RNF183: variants seen among roughly 807,000 people sequenced by gnomAD.
RNF183 encodes ring finger protein 183.
RNF183 carries 4 observed loss-of-function variants against 9.0 expected under a neutral mutation model. The ratio of observed to expected loss-of-function variants is 0.44; its 90% CI spans 0.22 to 1.01. The LOEUF (loss-of-function observed/expected upper bound fraction) is 1.01. Among genes scored for constraint, RNF183 ranks in the 50% least tolerant of loss-of-function variants. The pLI, the probability that RNF183 is intolerant of heterozygous loss-of-function variation, is 0.25. For missense variants in RNF183, 227 were observed against 253.6 expected, an observed-to-expected ratio of 0.89 and a Z score of 0.71; for synonymous variants, 102 against 107.5, an observed-to-expected ratio of 0.95 and a Z score of 0.32.
rs964497404 is a variant in RNF183, at chr9:113,297,581, T to G, written c.*25A>C. 1.3e-6 allele frequency: 2 copies of G among 1,513,724 alleles called. No individual in the cohort carries two copies. Among genetic ancestry groups the G allele is most frequent in the Middle Eastern group, 1.8e-4 (1 of 5,686 alleles). 93.8% of individuals were successfully genotyped at this position (1,513,724 alleles called of 1,614,324 possible). ...ATACCCAGCAGCAACCGAAAAAGGT[T>G]TGGTTTCTTGTCTGGGAACAGCACT... On this transcript the variant is annotated 3_prime_UTR_variant, in exon 5 of 5. Transcript: ENST00000489339.
chr9:113,300,396 T>A (rs1416366108), intron 3 of RNF183, among the ~76,000 whole-genome samples: 1 of 152,114 alleles, frequency 6.6e-6, no homozygotes, highest in African/African-American at 2.4e-5. Context: ...CTCATGACAT[T>A]TAGAGTGTAG....
rs1564273629 is a variant in RNF183, at chr9:113,298,256, A to G, written c.-37-35T>C. The stretch of plus-strand genomic sequence containing the variant: ...GGGGGAAAGGAGCAAAGGAACAGCC[A>G]TGAAGTCCCATCCTTGTGCTTGGCC... On this transcript the variant is annotated intron_variant, in intron 4 of 4. Transcript: ENST00000489339. The surrounding 1 kb of genome is among the most constrained non-coding windows in gnomAD (Gnocchi z 4.9). The G allele has an allele frequency of 4.6e-6, 6 of 1,302,376 alleles. No individual in the cohort carries two copies. Among genetic ancestry groups the G allele is most frequent in the Middle Eastern group, 4.3e-4 (2 of 4,624 alleles). 80.7% of individuals were successfully genotyped at this position (1,302,376 alleles called of 1,614,324 possible).
At position 113,297,798 on chromosome 9, in the gene RNF183, C is replaced by T. The variant is rs1832772808; in HGVS notation, c.387G>A (p.Gly129=). The change falls in exon 5 of 5, where the codon GGG becomes GGA. Residue 129 remains glycine, a synonymous_variant. Coordinates refer to ENST00000489339, the MANE Select transcript of RNF183 (RefSeq NM_001371237.1). ...DLGPQPGGQT[G]PPPDTASATV... ...TGGCAGAGGCCGTGTCTGGGGGCGG[C>T]CCAGTCTGGCCCCCAGGCTGGGGGC... is the stretch of plus-strand genomic sequence containing the variant. 1 of 1,610,794 alleles carries T rather than the reference C, an allele frequency of 6.2e-7. No individual in the cohort carries two copies. Among genetic ancestry groups the T allele is most frequent in the Non-Finnish European group, 8.5e-7 (1 of 1,178,422 alleles).
At chr9:113,302,780 T>C (rs1832954850) in intron 1 of RNF183, among the ~76,000 whole-genome samples, 1 of 152,182 alleles carries the variant, frequency 6.6e-6, no homozygotes. Flanking sequence ...GGGGAAGGAA[T>C]AGTCTATACG....
intron 3 of RNF183, among the ~76,000 whole-genome samples, chr9:113,301,022 A>T (rs1250356598): frequency 6.6e-6 from 1 of 152,174 alleles, no homozygotes; most frequent in Non-Finnish European, 1.5e-5. Context: ...CCCAAGAAGC[A>T]GTGGAGTTCT....
At chr9:113,300,047 G>A (rs919646024) in intron 3 of RNF183, among the ~76,000 whole-genome samples, 3 of 152,238 alleles carry the variant, frequency 2.0e-5, no homozygotes, top group African/African-American at 7.2e-5. Flanking sequence ...AGGAACTGTG[G>A]AAGAGGGGAT....
In RNF183 at chr9:113,297,437, T is replaced by G; in HGVS notation, c.*169A>C. On this transcript the variant is annotated 3_prime_UTR_variant, in exon 5 of 5. Transcript: ENST00000489339. ...TCTCCCAGTCCTTCAAGCTTTTCGT[T>G]TTTTTGTTTTTTTTTAAAATTGTTC... 1 of 528,102 alleles carries G rather than the reference T, an allele frequency of 1.9e-6. No homozygotes were observed. The allele number at this position is 528,102 out of a possible 1,614,324, so 32.7% of individuals were successfully genotyped here. A position where few individuals can be genotyped will look rare whatever the true frequency, so the allele number is the denominator to read the frequency against.
In RNF183 at chr9:113,300,728, G is replaced by C. The variant is rs185829398; in HGVS notation, c.-242+944C>G. ...GTGTGGTGACCGGAGTAGGCAAGGT[G>C]GGAGGGTATAGTACTCGGGACCTGT... On this transcript the variant is annotated intron_variant, in intron 3 of 4. Transcript: ENST00000489339. Among the ~76,000 whole-genome samples the C allele has an allele frequency of 6.9e-3, 1,049 of 152,236 alleles. 80 individuals carry two copies. The East Asian group carries it at 0.18, about 26-fold the overall frequency.
At position 113,297,401 on chromosome 9, in the gene RNF183, GT is replaced by G. The variant is rs1832752259; in HGVS notation, c.*204del. 1 of 430,172 alleles carries G rather than the reference GT, an allele frequency of 2.3e-6. No individual in the cohort carries two copies. Among genetic ancestry groups the G allele is most frequent in the African/African-American group, 2.0e-5 (1 of 48,880 alleles). The allele number at this position is 430,172 out of a possible 1,614,324, so 26.6% of individuals were successfully genotyped here. Reference sequence around the variant, plus strand: ...CATGACGCCACACTCACACCCGGAGGTCGCTCCACATCTCCCAGTCCTTCAA... The same window carrying G: ...CATGACGCCACACTCACACCCGGAGGCGCTCCACATCTCCCAGTCCTTCAA... On this transcript the variant is annotated 3_prime_UTR_variant, in exon 5 of 5. Coordinates refer to ENST00000489339, the MANE Select transcript of RNF183 (RefSeq NM_001371237.1).
In RNF183 at chr9:113,297,573, A is replaced by G; in HGVS notation, c.*33T>C. The G allele has an allele frequency of 6.7e-7, 1 of 1,486,254 alleles. No homozygotes were observed. The highest frequency in any genetic ancestry group is 9.1e-7 in the Non-Finnish European group (1 of 1,096,434). The allele number at this position is 1,486,254 out of a possible 1,614,324, so 92.1% of individuals were successfully genotyped here. A position where few individuals can be genotyped will look rare whatever the true frequency, so the allele number is the denominator to read the frequency against. On this transcript the variant is annotated 3_prime_UTR_variant, in exon 5 of 5. Transcript: ENST00000489339. The stretch of plus-strand genomic sequence containing the variant: ...TAGTCACCATACCCAGCAGCAACCG[A>G]AAAAGGTTTGGTTTCTTGTCTGGGA...
intron 3 of RNF183, among the ~76,000 whole-genome samples, chr9:113,301,298 A>G (rs1040932247): frequency 3.9e-5 from 6 of 152,214 alleles, no homozygotes; most frequent in Admixed American, 6.5e-5. Context: ...TAGATGGTAG[A>G]GCCTGCTACA....
chr9:113,297,703 C>A lies in RNF183; in HGVS notation c.482G>T (p.Arg161Leu). The change falls in exon 5 of 5, where the codon CGC (arginine) becomes CTC (leucine). Residue 161 changes from arginine to leucine, a missense_variant. Physicochemically the swap from Arg to Leu is moderately radical, Grantham distance 102. Coordinates refer to ENST00000489339, the MANE Select transcript of RNF183 (RefSeq NM_001371237.1). ...LRECFRNPQFRIFAYLMAVIL... is the reference protein window; with the variant it reads ...LRECFRNPQFLIFAYLMAVIL... ...GACGGCCATCAGGTAGGCAAAGATGCGGAACTGAGGGTTGCGGAAACACTC... is the reference window on the plus strand; with the variant it reads ...GACGGCCATCAGGTAGGCAAAGATGAGGAACTGAGGGTTGCGGAAACACTC... 3.1e-6 allele frequency: 5 copies of A among 1,614,026 alleles called. No homozygotes were observed. The highest frequency in any genetic ancestry group is 4.2e-6 in the Non-Finnish European group (5 of 1,179,988).
intron 2 of RNF183, 132 bp from the exon 3 acceptor site, chr9:113,301,883 T>C (rs1047962169): frequency 2.0e-5 from 3 of 152,220 alleles, no homozygotes; most frequent in Non-Finnish European, 4.4e-5. Context: ...AGAGATATTA[T>C]GCAGCCTTTA....
chr9:113,297,746 T>G lies in RNF183; in HGVS notation c.439A>C (p.Ser147Arg). ...ATVSTPILIPSHHSLRECFRN... is the reference protein window; with the variant it reads ...ATVSTPILIPRHHSLRECFRN... ...AAACACTCCCTCAAAGAGTGGTGGC[T>G]GGGGATGAGGATGGGCGTAGACACG... The change falls in exon 5 of 5, where the codon AGC (serine) becomes CGC (arginine). Residue 147 changes from serine (S) to arginine (R), a missense_variant. Physicochemically the swap from Ser to Arg is moderately radical, Grantham distance 110. Transcript: ENST00000489339. 1 of 1,613,926 alleles carries G rather than the reference T, an allele frequency of 6.2e-7. No homozygotes were observed.
chr9:113,298,082 A>C lies in RNF183; in HGVS notation c.103T>G (p.Ser35Ala). The stretch of plus-strand genomic sequence containing the variant: ...TGGGCCAGACATTCCACGCAGAAGG[A>C]GTGGCAGCAATCCAGCATTTTGGGG... ...HTPKMLDCCH[S>A]FCVECLAHLS... Residue 35 changes from serine (S) to alanine (A), a missense_variant, in exon 5 of 5, where the codon TCC (serine) becomes GCC (alanine). Ser to Ala is a moderately conservative substitution (Grantham distance 99, BLOSUM62 1). Transcript: ENST00000489339. The surrounding 1 kb of genome is among the most constrained non-coding windows in gnomAD (Gnocchi z 4.9). The C allele has an allele frequency of 6.2e-7, 1 of 1,613,970 alleles. No individual in the cohort carries two copies. Among genetic ancestry groups the C allele is most frequent in the Non-Finnish European group, 8.5e-7 (1 of 1,179,964 alleles).
intron 3 of RNF183, among the ~76,000 whole-genome samples, chr9:113,300,147 C>T (rs1195808726): frequency 6.6e-6 from 1 of 152,208 alleles, no homozygotes; most frequent in Non-Finnish European, 1.5e-5. Flanking sequence ...CTTATACTCT[C>T]GGACCTGTGG....
At position 113,297,630 on chromosome 9, in the gene RNF183, C is replaced by T; in HGVS notation, c.555G>A (p.Lys185=). ...CTCACCCCACACCCCAAAGGAACTG[C>T]TTGGTCCAAAAGATGGAGAATATGA... ...LLLIFSIFWT[K]QFLWGVG The change falls in exon 5 of 5, where the codon AAG becomes AAA. Residue 185 remains lysine, a synonymous_variant. Coordinates refer to ENST00000489339, the MANE Select transcript of RNF183 (RefSeq NM_001371237.1). The T allele has an allele frequency of 6.2e-7, 1 of 1,606,280 alleles. No individual in the cohort carries two copies.
At position 113,297,758 on chromosome 9, in the gene RNF183, T is replaced by A; in HGVS notation, c.427A>T (p.Ile143Phe). Residue 143 changes from isoleucine to phenylalanine, a missense_variant, in exon 5 of 5, where the codon ATC becomes TTC. By Grantham distance (21) the Ile-to-Phe change is conservative. Coordinates refer to ENST00000489339, the MANE Select transcript of RNF183 (RefSeq NM_001371237.1). ...DTASATVSTP[I>F]LIPSHHSLRE... ...AAAGAGTGGTGGCTGGGGATGAGGATGGGCGTAGACACGGTGGCAGAGGCC... is the reference window on the plus strand; with the variant it reads ...AAAGAGTGGTGGCTGGGGATGAGGAAGGGCGTAGACACGGTGGCAGAGGCC... 1 of 1,613,946 alleles carries A rather than the reference T, an allele frequency of 6.2e-7. No individual in the cohort carries two copies. The highest frequency in any genetic ancestry group is 8.5e-7 in the Non-Finnish European group (1 of 1,179,972).
intron 3 of RNF183, 142 bp from the exon 4 acceptor site, chr9:113,299,917 G>T (rs1210986106): frequency 6.6e-6 from 1 of 152,194 alleles, no homozygotes; most frequent in Non-Finnish European, 1.5e-5. Context: ...CATGGTTTTC[G>T]TAAAGACAGA....
Sources: gnomAD v4.1 joint callset for allele counts (sites outside exome capture counted in the v4.1 genomes callset) on GRCh38, gnomAD v4.1.1 for gene constraint, Gnocchi (gnomAD v3.1) non-coding constraint, MANE v1.5 for transcripts, NCBI Gene and HGNC (gene_info 2026-07-23, HGNC 2026-07-21) for gene names.